The following TBC1D23 variants were observed in gnomAD, a reference collection of about 807,000 sequenced individuals.
The protein encoded by TBC1D23 is HCV non-structural protein 4A-transactivated protein 1.
In TBC1D23, 55 loss-of-function variants were observed where a neutral mutation model predicts 91.4. That is an observed-to-expected ratio of 0.60 (90% CI 0.48 to 0.75). The LOEUF (loss-of-function observed/expected upper bound fraction) is 0.75, where lower values mean the gene tolerates loss of function less well. TBC1D23 is among the 30% of genes least tolerant of loss of function. The pLI is 0.00. For synonymous variants in TBC1D23, 289 were observed against 281.0 expected, an observed-to-expected ratio of 1.03 and a Z score of -0.28; for missense variants, 725 against 836.1, an observed-to-expected ratio of 0.87 and a Z score of 1.64.
intron 2 of TBC1D23, 118 bp downstream of exon 2, chr3:100,279,878 T>C: frequency 1.7e-6 from 1 of 576,802 alleles, no homozygotes; most frequent in Non-Finnish European, 3.1e-6. Flanking sequence ...ATGCCGCATC[T>C]AGATTTATCA....
At chr3:100,295,060 G>A in intron 5 of TBC1D23, 27 bp from the exon 6 acceptor site, 1 of 1,549,898 alleles carries the variant, frequency 6.5e-7, no homozygotes, top group Non-Finnish European at 8.7e-7. Flanking sequence ...AGTGGTTTAT[G>A]TCTCTCATTT....
At chr3:100,311,034 G>A (rs1705616043) in intron 14 of TBC1D23, among the ~76,000 whole-genome samples, 1 of 152,128 alleles carries the variant, frequency 6.6e-6, no homozygotes, top group Non-Finnish European at 1.5e-5. Context: ...ACAAATGAGG[G>A]ACATGGTTAA....
In TBC1D23 at chr3:100,313,001, C is replaced by T. The variant is rs142854273; in HGVS notation, c.1598+1124C>T. Among the ~76,000 whole-genome samples the T allele has an allele frequency of 3.2e-3, 479 of 147,926 alleles. 4 individuals carry two copies. Among genetic ancestry groups the T allele is most frequent in the Middle Eastern group, 0.017 (5 of 290 alleles). ...ACCCCGTCTCTACAGAGTGAGACTG[C>T]GTCTCAAAAAATAATAATAATAATA... On this transcript the variant is annotated intron_variant, in intron 15 of 18. Transcript: ENST00000394144.
At chr3:100,277,775 T>C (rs1245891319) in intron 1 of TBC1D23, among the ~76,000 whole-genome samples, 1 of 152,240 alleles carries the variant, frequency 6.6e-6, no homozygotes, top group East Asian at 1.9e-4. Context: ...GTTTCATGGT[T>C]ACTAACAGCC....
At chr3:100,266,039 T>C (rs1447329989) in intron 1 of TBC1D23, among the ~76,000 whole-genome samples, 2 of 152,102 alleles carry the variant, frequency 1.3e-5, no homozygotes, top group Non-Finnish European at 1.5e-5. Context: ...AAAAAGGAAC[T>C]GTTTGTCTAA....
chr3:100,294,380 C>T (rs1004550173), intron 5 of TBC1D23, among the ~76,000 whole-genome samples: 1 of 151,894 alleles, frequency 6.6e-6, no homozygotes, highest in African/African-American at 2.4e-5. Flanking sequence ...CCTGCCTCAG[C>T]CTCCCAAGTA....
intron 11 of TBC1D23, among the ~76,000 whole-genome samples, chr3:100,302,671 C>T (rs960228626): frequency 6.6e-6 from 1 of 152,198 alleles, no homozygotes; most frequent in Non-Finnish European, 1.5e-5. Context: ...AGTGCAACCT[C>T]TGCATCCTGG....
At chr3:100,301,382 A>G (rs1427428339) in intron 10 of TBC1D23, among the ~76,000 whole-genome samples, 1 of 152,138 alleles carries the variant, frequency 6.6e-6, no homozygotes, top group Non-Finnish European at 1.5e-5. Flanking sequence ...TACCAGAGTG[A>G]TGAGTGAAAA....
At chr3:100,300,072 G>T (rs1705396331) in intron 10 of TBC1D23, among the ~76,000 whole-genome samples, 1 of 152,144 alleles carries the variant, frequency 6.6e-6, no homozygotes, top group Non-Finnish European at 1.5e-5. Context: ...TTTAATAAGG[G>T]TAGTATCTGG....
At chr3:100,261,257 C>T in intron 1 of TBC1D23, 186 bp downstream of exon 1, 1 of 607,808 alleles carries the variant, frequency 1.6e-6, no homozygotes, top group South Asian at 1.9e-5. Flanking sequence ...GCCCAAGGGA[C>T]TGGGGCGGGA....
intron 12 of TBC1D23, among the ~76,000 whole-genome samples, chr3:100,306,101 C>T (rs1443178217): frequency 6.6e-6 from 1 of 152,162 alleles, no homozygotes; most frequent in Non-Finnish European, 1.5e-5. Flanking sequence ...TTTCTGTTAT[C>T]CTTTATGTCA....
intron 1 of TBC1D23, among the ~76,000 whole-genome samples, chr3:100,276,147 C>T (rs754990493): frequency 3.3e-5 from 5 of 150,152 alleles, no homozygotes; most frequent in Admixed American, 1.3e-4. Context: ...CCCTGTTTGG[C>T]GAGAGTGTGT....
At chr3:100,308,414 GC>G (rs1705555261) in intron 13 of TBC1D23, among the ~76,000 whole-genome samples, 1 of 151,860 alleles carries the variant, frequency 6.6e-6, no homozygotes, top group Non-Finnish European at 1.5e-5. Flanking sequence ...GGCGGAGCTT[GC>G]AGTGAGCCCA....
Position 100,283,693 on chromosome 3 carries a change from A to G in TBC1D23, c.358A>G (p.Ile120Val), listed in dbSNP as rs1166287576. The change falls in exon 4 of 19, where the codon ATT becomes GTT. Residue 120 changes from isoleucine (I) to valine (V), a missense_variant. By Grantham distance (29) the Ile-to-Val change is conservative. Coordinates refer to ENST00000394144, the MANE Select transcript of TBC1D23 (RefSeq NM_001199198.3). ...TACCTTTTATTGTAAATCACGTAAC[A>G]TTAAATATAGCACATCCCTTAGCTG... ...VITFYCKSRN[I>V]KYSTSLSWIH... 26 of 1,612,860 alleles carry G rather than the reference A, an allele frequency of 1.6e-5. No individual in the cohort carries two copies. Among genetic ancestry groups the G allele is most frequent in the Non-Finnish European group, 2.1e-5 (25 of 1,178,930 alleles).
chr3:100,303,998 T>C (rs1705475755), intron 11 of TBC1D23, among the ~76,000 whole-genome samples: 1 of 152,170 alleles, frequency 6.6e-6, no homozygotes, highest in Non-Finnish European at 1.5e-5. Flanking sequence ...ACCACATCAT[T>C]ATCATACTTT....
intron 10 of TBC1D23, 176 bp from the exon 11 acceptor site, chr3:100,301,891 T>TA: frequency 1.8e-6 from 1 of 557,094 alleles, no homozygotes; most frequent in South Asian, 2.5e-5. Flanking sequence ...GTATTATAGA[T>TA]ACATTTATAA....
In TBC1D23 at chr3:100,295,170, TTTTA is replaced by T; in HGVS notation, c.692_695del (p.Tyr231SerfsTer2). On this transcript the variant is annotated frameshift_variant, in exon 6 of 19. Coordinates refer to ENST00000394144, the MANE Select transcript of TBC1D23 (RefSeq NM_001199198.3). LOFTEE classifies it high-confidence loss of function. ...GATATCTACAACAAGCAGATCCATT[TTTTA>T]TTTATTTCTTAATGTTAATTATCCT... 6.2e-7 allele frequency: 1 copy of T among 1,605,322 alleles called. No homozygotes were observed. The highest frequency in any genetic ancestry group is 8.5e-7 in the Non-Finnish European group (1 of 1,176,316).
intron 1 of TBC1D23, among the ~76,000 whole-genome samples, chr3:100,276,908 A>T (rs1478089046): frequency 6.6e-6 from 1 of 152,192 alleles, no homozygotes; most frequent in Non-Finnish European, 1.5e-5. Flanking sequence ...CAAAGGAGAT[A>T]ATTTTGCTTA....
intron 1 of TBC1D23, among the ~76,000 whole-genome samples, chr3:100,269,360 G>A (rs538014495): frequency 3.0e-4 from 45 of 152,210 alleles, no homozygotes; most frequent in Non-Finnish European, 5.6e-4. Flanking sequence ...CTGGTGAATG[G>A]GTGTTTTTCC....
Sources: allele counts gnomAD v4.1 joint callset (sites outside exome capture counted in the v4.1 genomes callset), GRCh38; gene constraint gnomAD v4.1.1; transcripts MANE v1.5; gene names NCBI Gene and HGNC (gene_info 2026-07-23, HGNC 2026-07-21).